Variants in ZNF831 observed in about 807,000 individuals in gnomAD.
ZNF831 encodes zinc finger protein 831, also known as chromosome 20 open reading frame 174.
A neutral mutation model predicts 95.8 loss-of-function variants in ZNF831; 59 were observed. The observed-to-expected ratio is 0.62, with a 90% CI of 0.50 to 0.77. The LOEUF (loss-of-function observed/expected upper bound fraction) is 0.77. Among genes scored for constraint, ZNF831 ranks in the 30% least tolerant of loss-of-function variants. The pLI, the probability that ZNF831 is intolerant of heterozygous loss-of-function variation, is 0.00. For missense variants in ZNF831, 2,205 were observed against 2,164.0 expected (o/e 1.02, Z -0.38); for synonymous variants, 961 against 925.5 (o/e 1.04, Z -0.70).
intron 3 of ZNF831, among the ~76,000 whole-genome samples, chr20:59,202,698 T>C (rs259998): frequency 0.34 from 51,088 of 151,938 alleles, 10,511 homozygotes; most frequent in African/African-American, 0.58. Context: ...GGGTCTTCCA[T>C]GTGCCTCTCA....
intron 1 of ZNF831, among the ~76,000 whole-genome samples, chr20:59,180,902 G>A (rs1442353534): frequency 2.6e-5 from 4 of 152,140 alleles, no homozygotes; most frequent in Non-Finnish European, 4.4e-5. Context: ...TCATGGGATC[G>A]CTGGGTCAAA....
intron 3 of ZNF831, among the ~76,000 whole-genome samples, chr20:59,202,165 G>T (rs908354104): frequency 6.6e-6 from 1 of 152,106 alleles, no homozygotes; most frequent in Non-Finnish European, 1.5e-5. Flanking sequence ...GCCTATTGCA[G>T]TGCCTCCTAG....
At chr20:59,176,987 A>G (rs1195456277) in intron 1 of ZNF831, among the ~76,000 whole-genome samples, 1 of 145,060 alleles carries the variant, frequency 6.9e-6, no homozygotes, top group African/African-American at 2.7e-5. Flanking sequence ...CAACACAGCC[A>G]GGCCCATACT....
intron 1 of ZNF831, among the ~76,000 whole-genome samples, chr20:59,124,188 C>T (rs747739040): frequency 5.3e-5 from 8 of 151,940 alleles, no homozygotes; most frequent in South Asian, 4.2e-4. Context: ...CGGTTCTGAA[C>T]GGGAGGAGGA....
chr20:59,151,553 A>G (rs531011402), intron 2 of ZNF831, among the ~76,000 whole-genome samples: 2 of 152,288 alleles, frequency 1.3e-5, no homozygotes, highest in Admixed American at 6.5e-5. Context: ...ACTTGGCCAC[A>G]ACTGGTGAGA....
intron 1 of ZNF831, among the ~76,000 whole-genome samples, chr20:59,171,339 A>G (rs144818514): frequency 6.6e-6 from 1 of 152,254 alleles, no homozygotes; most frequent in South Asian, 2.1e-4. Flanking sequence ...ATCATACAGC[A>G]TGTATTGAAT....
chr20:59,140,820 C>T (rs1180488156), intron 1 of ZNF831, among the ~76,000 whole-genome samples: 1 of 152,134 alleles, frequency 6.6e-6, no homozygotes, highest in Non-Finnish European at 1.5e-5. Context: ...TTGGAAAGTT[C>T]TTTATAATAT....
chr20:59,241,972 T>C (rs1987365519), intron 4 of ZNF831, among the ~76,000 whole-genome samples: 2 of 152,196 alleles, frequency 1.3e-5, no homozygotes, highest in African/African-American at 4.8e-5. Flanking sequence ...CTTTTGCTGG[T>C]TTTCTTGTCG....
At position 59,194,010 on chromosome 20, in the gene ZNF831, C is replaced by T. The variant is rs2146592833; in HGVS notation, c.2991C>T (p.Ser997=). The part of the protein sequence containing the change: ...PLSPSPASGP[S]PGEADSILED... Reference sequence around the variant, plus strand: ...CTCCCAGCCCAGCCTCAGGCCCCTCCCCAGGTGAGGCGGACAGCATCCTGG... The same window carrying T: ...CTCCCAGCCCAGCCTCAGGCCCCTCTCCAGGTGAGGCGGACAGCATCCTGG... The change falls in exon 2 of 6, where the codon TCC becomes TCT. Residue 997 remains serine, a synonymous_variant. Coordinates refer to ENST00000371030, the MANE Select transcript of ZNF831 (RefSeq NM_178457.3). 6.5e-7 allele frequency: 1 copy of T among 1,529,232 alleles called. No homozygotes were observed. Among genetic ancestry groups the T allele is most frequent in the East Asian group, 2.3e-5 (1 of 44,196 alleles). 94.7% of individuals were successfully genotyped at this position (1,529,232 alleles called of 1,614,324 possible).
chr20:59,221,213 T>C lies in ZNF831; in HGVS notation c.4027+14157T>C, dbSNP rs1986048916. On this transcript the variant is annotated intron_variant, in intron 4 of 5. Transcript: ENST00000371030. ...TCTTCAAGCCAAAGGAGGGAGGCAGTGAATGGTGCAGGTCCATACTTTCCC... is the reference window on the plus strand; with the variant it reads ...TCTTCAAGCCAAAGGAGGGAGGCAGCGAATGGTGCAGGTCCATACTTTCCC... Among the ~76,000 whole-genome samples, 4 of 152,140 alleles carry C rather than the reference T, an allele frequency of 2.6e-5. No homozygotes were observed. The South Asian group carries it at 6.2e-4, about 24-fold the overall frequency.
At chr20:59,242,086 A>G (rs912899757) in intron 4 of ZNF831, among the ~76,000 whole-genome samples, 2 of 152,198 alleles carry the variant, frequency 1.3e-5, no homozygotes, top group African/African-American at 4.8e-5. Context: ...TTTCTTTCCT[A>G]AGGTGATTAG....
chr20:59,201,136 C>T (rs1984501480), intron 3 of ZNF831, among the ~76,000 whole-genome samples: 1 of 152,102 alleles, frequency 6.6e-6, no homozygotes, highest in Non-Finnish European at 1.5e-5. Flanking sequence ...ACATTATTGC[C>T]AACACTTGGT....
intron 4 of ZNF831, among the ~76,000 whole-genome samples, chr20:59,216,711 G>A (rs1985703723): frequency 6.6e-6 from 1 of 152,164 alleles, no homozygotes; most frequent in African/African-American, 2.4e-5. Flanking sequence ...AGGTGCATGG[G>A]GGACGGGCGC....
intron 4 of ZNF831, 65 bp from the exon 5 acceptor site, chr20:59,252,913 C>T: frequency 6.5e-7 from 1 of 1,529,366 alleles, no homozygotes; most frequent in Non-Finnish European, 8.8e-7. Context: ...GACAACCTCC[C>T]AGGAAATTAC....
At chr20:59,231,455 C>G (rs1053415932) in intron 4 of ZNF831, among the ~76,000 whole-genome samples, 2 of 152,074 alleles carry the variant, frequency 1.3e-5, no homozygotes, top group African/African-American at 4.8e-5. Flanking sequence ...ATTAGTCTCT[C>G]GAGGCAGTAG....
At chr20:59,123,391 T>A (rs1601286512) in exon 1 of ZNF831, 1 of 152,356 alleles carries the variant, frequency 6.6e-6, no homozygotes. Context: ...ACATTTCAGA[T>A]GTGAACATCC....
chr20:59,162,240 A>G (rs1278126204), upstream of ZNF831, among the ~76,000 whole-genome samples: 2 of 152,204 alleles, frequency 1.3e-5, no homozygotes, highest in South Asian at 2.1e-4. Flanking sequence ...TTTGCTACAT[A>G]GAAACACTTT....
chr20:59,197,715 C>G (rs991807950), intron 3 of ZNF831, among the ~76,000 whole-genome samples: 5 of 152,162 alleles, frequency 3.3e-5, no homozygotes, highest in African/African-American at 1.2e-4. Context: ...GGCCTCCCTG[C>G]CTGTGTAATG....
At chr20:59,220,618 TA>T (rs1287753056) in intron 4 of ZNF831, among the ~76,000 whole-genome samples, 1 of 152,232 alleles carries the variant, frequency 6.6e-6, no homozygotes, top group Non-Finnish European at 1.5e-5. Flanking sequence ...AACCCCTTCC[TA>T]ACCTCCCTTT....
Sources: allele counts gnomAD v4.1 joint callset (sites outside exome capture counted in the v4.1 genomes callset), GRCh38; gene constraint gnomAD v4.1.1; transcripts MANE v1.5; gene names NCBI Gene and HGNC (gene_info 2026-07-23, HGNC 2026-07-21).